Variants in IFT140 observed in about 807,000 individuals in gnomAD.
IFT140 encodes the protein intraflagellar transport 140, also known as intraflagellar transport protein 140 homolog.
Under a neutral mutation model 164.6 loss-of-function variants are expected in IFT140, and 133 were observed. The ratio of observed to expected loss-of-function variants is 0.81; its 90% CI spans 0.70 to 0.93. The LOEUF is 0.93. Ranked by LOEUF, IFT140 falls within the 40% of genes least tolerant of loss-of-function variation. IFT140 has a pLI of 0.00. For missense variants in IFT140, 2,045 were observed against 1,972.3 expected (o/e 1.04, Z -0.70); for synonymous variants, 860 against 817.3 (o/e 1.05, Z -0.89).
chr16:1,594,980 T>C (rs1285752627), intron 4 of IFT140, among the ~76,000 whole-genome samples: 1 of 152,214 alleles, frequency 6.6e-6, no homozygotes, highest in Non-Finnish European at 1.5e-5. Flanking sequence ...TTTCAAATAA[T>C]GTCAGATTTA....
intron 19 of IFT140, among the ~76,000 whole-genome samples, chr16:1,548,812 C>A (rs768449298): frequency 1.3e-5 from 2 of 152,226 alleles, no homozygotes; most frequent in Admixed American, 6.5e-5. Context: ...CACCTTCTTA[C>A]GCGCGTCTGG....
intron 13 of IFT140, among the ~76,000 whole-genome samples, chr16:1,578,837 G>A (rs543809874): frequency 2.0e-5 from 3 of 152,332 alleles, no homozygotes; most frequent in Admixed American, 2.0e-4. Context: ...TCAGTCTCCT[G>A]AGTAGCTGGC....
Position 1,520,217 on chromosome 16 carries a change from G to T in IFT140, c.3787C>A (p.Pro1263Thr), listed in dbSNP as rs2040478604. 5.6e-6 allele frequency: 9 copies of T among 1,614,220 alleles called. No homozygotes were observed. The highest frequency in any genetic ancestry group is 7.6e-6 in the Non-Finnish European group (9 of 1,180,030). ...CCGATGATGTTCTTCATGATCTCCG[G>T]CTCCTTCCGCCAGTCCAGGGACTGC... is the stretch of plus-strand genomic sequence containing the variant. ...YLQSLDWRKE[P>T]EIMKNIIGFY... Residue 1263 changes from proline (P) to threonine (T), a missense_variant, in exon 28 of 31, where the codon CCG becomes ACG. Pro to Thr is a conservative substitution (Grantham distance 38). Transcript: ENST00000426508.
rs1199982756 is a variant in IFT140 at position 1,602,496 on chromosome 16, C to A, written c.243G>T (p.Glu81Asp). The change falls in exon 4 of 31, where the codon GAG becomes GAT. Residue 81 changes from glutamate (E) to aspartate (D), a missense_variant. Physicochemically the swap from Glu to Asp is conservative, Grantham distance 45 (BLOSUM62 2). Coordinates refer to ENST00000426508, the MANE Select transcript of IFT140 (RefSeq NM_014714.4). The stretch of plus-strand genomic sequence containing the variant: ...TGTTAAACACCGTCACTTCTCCAGT[C>A]TCCCAGCCCACAGCCAGCACCAGCC... ...PTRLVLAVGW[E>D]TGEVTVFNKQ... 3.1e-6 allele frequency: 5 copies of A among 1,614,220 alleles called. No individual in the cohort carries two copies. Among genetic ancestry groups the A allele is most frequent in the Non-Finnish European group, 4.2e-6 (5 of 1,180,044 alleles).
chr16:1,558,068 T>A lies in IFT140; in HGVS notation c.2266A>T (p.Arg756Trp). ...CCCACAAAGTCTCGCAGGGGTCTCC[T>A]GGACACCATCTGAGGGATGTGGTGG... ...GCHHIPQMVSRRPLRDFVGLE... is the reference protein window; with the variant it reads ...GCHHIPQMVSWRPLRDFVGLE... The change falls in exon 19 of 31, where the codon AGG (arginine) becomes TGG (tryptophan). Residue 756 changes from arginine (R) to tryptophan (W), a missense_variant. Physicochemically the swap from Arg to Trp is moderately radical, Grantham distance 101. Coordinates refer to ENST00000426508, the MANE Select transcript of IFT140 (RefSeq NM_014714.4). The A allele has an allele frequency of 2.5e-6, 4 of 1,614,144 alleles. No individual in the cohort carries two copies. Among genetic ancestry groups the A allele is most frequent in the Non-Finnish European group, 3.4e-6 (4 of 1,180,038 alleles).
At chr16:1,566,909 G>C (rs1789805103) in intron 15 of IFT140, among the ~76,000 whole-genome samples, 1 of 152,052 alleles carries the variant, frequency 6.6e-6, no homozygotes. Flanking sequence ...GGGTTCTCAG[G>C]GCCACAGTGG....
At chr16:1,524,743 G>C (rs201139143) in intron 23 of IFT140, 41 bp downstream of exon 23, 3 of 1,586,098 alleles carry the variant, frequency 1.9e-6, no homozygotes, top group Non-Finnish European at 1.7e-6. Flanking sequence ...CCTTGTGTCT[G>C]CCTCGTGTCC....
chr16:1,571,440 A>G lies in IFT140; in HGVS notation c.1619T>C (p.Leu540Ser). The G allele has an allele frequency of 6.2e-7, 1 of 1,614,182 alleles. No individual in the cohort carries two copies. Among genetic ancestry groups the G allele is most frequent in the East Asian group, 2.2e-5 (1 of 44,890 alleles). Residue 540 changes from leucine (L) to serine (S), a missense_variant, in exon 14 of 31, where the codon TTG becomes TCG. By Grantham distance (145) the Leu-to-Ser change is moderately radical (BLOSUM62 -2). Transcript: ENST00000426508. ...AAGATCAAAGCTTTTAAAGTGAGCC[A>G]AGTCTGTCCCTACAACCAGGAAATT... ...CGNFLVVGTD[L>S]AHFKSFDLSR...
rs143385994 is a variant in IFT140 at position 1,520,009 on chromosome 16, G to A, written c.3912C>T (p.His1304=). The change falls in exon 29 of 31, where the codon CAC becomes CAT. Residue 1304 remains histidine (H), a synonymous_variant. Coordinates refer to ENST00000426508, the MANE Select transcript of IFT140 (RefSeq NM_014714.4). The stretch of plus-strand genomic sequence containing the variant: ...ACTTGTAGGCCTCGGTCAGCGCCCC[G>A]TGGGCTTTGTCGTAGTTCTGGTATT... ...IDEYQNYDKA[H]GALTEAYKCL... The A allele has an allele frequency of 1.8e-5, 29 of 1,602,038 alleles. No homozygotes were observed. The highest frequency in any genetic ancestry group is 2.2e-5 in the South Asian group (2 of 89,474).
intron 18 of IFT140, among the ~76,000 whole-genome samples, chr16:1,558,604 C>G (rs890771981): frequency 6.6e-6 from 1 of 152,240 alleles, no homozygotes. Context: ...TGGGCATCTT[C>G]TTACACCCAG....
chr16:1,512,036 GCT>G (rs2040176130), intron 30 of IFT140, among the ~76,000 whole-genome samples: 1 of 151,056 alleles, frequency 6.6e-6, no homozygotes, highest in Middle Eastern at 3.4e-3. Context: ...GCGTGTGACT[GCT>G]CTGTGTGCAG....
At chr16:1,588,111 G>T in intron 7 of IFT140, 87 bp from the exon 8 acceptor site, 1 of 1,030,254 alleles carries the variant, frequency 9.7e-7, no homozygotes, top group Non-Finnish European at 1.5e-6. Flanking sequence ...CTGGTCCTCA[G>T]TGACTTCATG....
chr16:1,602,927 AAG>A (rs1455268790), intron 3 of IFT140, among the ~76,000 whole-genome samples: 1 of 152,162 alleles, frequency 6.6e-6, no homozygotes, highest in Non-Finnish European at 1.5e-5. Flanking sequence ...GCGACAGAGC[AAG>A]ACTCTGTCTC....
intron 19 of IFT140, 144 bp downstream of exon 19, chr16:1,557,791 G>A (rs2033181692): frequency 1.2e-6 from 1 of 809,144 alleles, no homozygotes; most frequent in Non-Finnish European, 2.0e-6. Flanking sequence ...GCATTTCATC[G>A]AGTGGGAAGA....
chr16:1,592,588 G>C lies in IFT140; in HGVS notation c.370C>G (p.Leu124Val). 6.2e-7 allele frequency: 1 copy of C among 1,613,962 alleles called. No individual in the cohort carries two copies. The highest frequency in any genetic ancestry group is 8.5e-7 in the Non-Finnish European group (1 of 1,179,872). ...AACCTCCACAAGAGCAAGACACCAAGCTGGAAAGACCCAACACCACGTGTT... is the reference window on the plus strand; with the variant it reads ...AACCTCCACAAGAGCAAGACACCAACCTGGAAAGACCCAACACCACGTGTT... Reference protein sequence around the residue: ...SGNCLLSGDRLGVLLLWRLDQ... With the variant: ...SGNCLLSGDRVGVLLLWRLDQ... The change falls in exon 5 of 31, where the codon CTT (leucine) becomes GTT (valine). Residue 124 changes from leucine (L) to valine (V), a missense_variant and splice_region_variant. Physicochemically the swap from Leu to Val is conservative, Grantham distance 32. Coordinates refer to ENST00000426508, the MANE Select transcript of IFT140 (RefSeq NM_014714.4).
chr16:1,585,604 G>A (rs761209971), intron 10 of IFT140, among the ~76,000 whole-genome samples: 14 of 152,032 alleles, frequency 9.2e-5, no homozygotes, highest in South Asian at 2.1e-4. Context: ...GGATGGGTTC[G>A]TGGGTAGATA....
At chr16:1,518,492 A>C in intron 29 of IFT140, 135 bp from the exon 30 acceptor site, 2 of 799,236 alleles carry the variant, frequency 2.5e-6, no homozygotes, top group Non-Finnish European at 3.8e-6. Flanking sequence ...AGTTAAATTC[A>C]TTAATTCCTT....
intron 19 of IFT140, 147 bp from the exon 20 acceptor site, chr16:1,526,943 G>A: frequency 1.2e-6 from 1 of 847,202 alleles, no homozygotes; most frequent in Non-Finnish European, 1.8e-6. Context: ...CTCCGCCCCT[G>A]GGCAAGACTG....
intron 4 of IFT140, among the ~76,000 whole-genome samples, chr16:1,598,201 G>A (rs1043747141): frequency 1.3e-5 from 2 of 152,246 alleles, no homozygotes; most frequent in Non-Finnish European, 1.5e-5. Context: ...GCTCACGCCT[G>A]TAATCCCAGC....
Sources: allele counts gnomAD v4.1 joint callset (sites outside exome capture counted in the v4.1 genomes callset), GRCh38; gene constraint gnomAD v4.1.1; transcripts MANE v1.5; gene names NCBI Gene and HGNC (gene_info 2026-07-23, HGNC 2026-07-21).